The following RTN1 variants were observed in gnomAD, a reference collection of about 807,000 sequenced individuals.
RTN1 encodes the protein reticulon-1.
RTN1 carries 25 observed loss-of-function variants against 65.5 expected under a neutral mutation model. That is an observed-to-expected ratio of 0.38 (90% CI 0.28 to 0.53). The LOEUF is 0.53. Among genes scored for constraint, RTN1 ranks in the 20% least tolerant of loss-of-function variants. The probability of loss-of-function intolerance (pLI) is 0.79; values close to 1 mark genes in which losing one functional copy is unlikely to be tolerated. For missense variants in RTN1, 983 were observed against 1,025.4 expected, an observed-to-expected ratio of 0.96 and a Z score of 0.57; for synonymous variants, 471 against 447.6, an observed-to-expected ratio of 1.05 and a Z score of -0.66.
At chr14:59,719,481 C>T (rs1224633319) in intron 3 of RTN1, among the ~76,000 whole-genome samples, 1 of 152,236 alleles carries the variant, frequency 6.6e-6, no homozygotes, top group East Asian at 1.9e-4. Context: ...CCCTCTTCCA[C>T]CAGAATGTAA....
intron 3 of RTN1, among the ~76,000 whole-genome samples, chr14:59,622,278 T>C (rs958078650): frequency 4.6e-5 from 7 of 152,122 alleles, no homozygotes; most frequent in Non-Finnish European, 1.0e-4. Context: ...GAGGTAGAGG[T>C]TGCAGTGAGC....
intron 3 of RTN1, among the ~76,000 whole-genome samples, chr14:59,648,825 A>C (rs531129719): frequency 9.8e-5 from 15 of 152,352 alleles, no homozygotes; most frequent in Admixed American, 2.6e-4. Context: ...ACCACAGCCA[A>C]CATCATACAG....
chr14:59,651,424 T>G (rs1883017848), intron 3 of RTN1, among the ~76,000 whole-genome samples: 1 of 151,422 alleles, frequency 6.6e-6, no homozygotes, highest in Admixed American at 6.6e-5. Context: ...AACCCAAAAC[T>G]ATAAAAACCC....
intron 1 of RTN1, among the ~76,000 whole-genome samples, chr14:59,763,896 G>GGTGAT (rs1885799388): frequency 4.6e-5 from 7 of 152,048 alleles, no homozygotes; most frequent in African/African-American, 1.7e-4. Flanking sequence ...ACATTCTCCT[G>GGTGAT]GTACAACCTA....
chr14:59,844,414 C>T (rs990232579), intron 1 of RTN1, among the ~76,000 whole-genome samples: 3 of 152,142 alleles, frequency 2.0e-5, no homozygotes, highest in Non-Finnish European at 4.4e-5. Context: ...GTTTTAAAAC[C>T]TTTAAAAGGT....
At position 59,750,128 on chromosome 14, in the gene RTN1, CTATAATA is replaced by C. The variant is rs1219939385; in HGVS notation, c.242-3654_242-3648del. Among the ~76,000 whole-genome samples the C allele has an allele frequency of 1.9e-4, 9 of 46,654 alleles. 1 individual carries two copies. Among genetic ancestry groups the C allele is most frequent in the African/African-American group, 2.5e-4 (3 of 12,106 alleles). 30.6% of individuals were successfully genotyped at this position (46,654 alleles called of 152,430 possible). ...ATATATTATATATAATATATATTATCTATAATATATAATATATATATTATAGATAATA... is the reference window on the plus strand; with the variant it reads ...ATATATTATATATAATATATATTATCTATAATATATATATTATAGATAATA... On this transcript the variant is annotated intron_variant, in intron 1 of 8. Coordinates refer to ENST00000267484, the MANE Select transcript of RTN1 (RefSeq NM_021136.3).
intron 1 of RTN1, among the ~76,000 whole-genome samples, chr14:59,855,025 T>C (rs1755291622): frequency 6.6e-6 from 1 of 152,216 alleles, no homozygotes; most frequent in African/African-American, 2.4e-5. Flanking sequence ...CTAAAAGTAG[T>C]ACTATATGGT....
At chr14:59,818,528 A>G (rs1253401558) in intron 1 of RTN1, among the ~76,000 whole-genome samples, 1 of 152,258 alleles carries the variant, frequency 6.6e-6, no homozygotes, top group Non-Finnish European at 1.5e-5. Flanking sequence ...TACTTATTTA[A>G]TAAATATTTT....
At chr14:59,682,461 T>C (rs1385858166) in intron 3 of RTN1, among the ~76,000 whole-genome samples, 2 of 152,206 alleles carry the variant, frequency 1.3e-5, no homozygotes, top group East Asian at 3.8e-4. Flanking sequence ...TTTATACCTA[T>C]GTCTCCTTTG....
chr14:59,659,032 G>A (rs1338919655), intron 3 of RTN1, among the ~76,000 whole-genome samples: 1 of 152,064 alleles, frequency 6.6e-6, no homozygotes, highest in Non-Finnish European at 1.5e-5. Context: ...GTTTACAGAA[G>A]AACATAAATG....
intron 1 of RTN1, among the ~76,000 whole-genome samples, chr14:59,847,749 T>A (rs979409290): frequency 2.6e-5 from 4 of 152,108 alleles, no homozygotes; most frequent in African/African-American, 9.7e-5. Flanking sequence ...GATCATGAAG[T>A]CTCTGCTTGG....
At position 59,749,160 on chromosome 14, in the gene RTN1, CTATCTATATATCTATCTA is replaced by C. The variant is rs1885304838; in HGVS notation, c.242-2697_242-2680del. 9.1e-5 allele frequency among the ~76,000 whole-genome samples: 5 copies of C among 55,246 alleles called. 1 individual carries two copies. Among genetic ancestry groups the C allele is most frequent in the Non-Finnish European group, 1.6e-4 (5 of 32,186 alleles). 36.2% of individuals were successfully genotyped at this position (55,246 alleles called of 152,430 possible). ...TATCTATCTATCTATCTATCTATATCTATCTATATATCTATCTATATATCTATCTATATATATCTATAT... is the reference window on the plus strand; with the variant it reads ...TATCTATCTATCTATCTATCTATATCTATATCTATCTATATATATCTATAT... On this transcript the variant is annotated intron_variant, in intron 1 of 8. Transcript: ENST00000267484.
chr14:59,813,153 T>G (rs539862441), intron 1 of RTN1, among the ~76,000 whole-genome samples: 1 of 152,190 alleles, frequency 6.6e-6, no homozygotes, highest in Non-Finnish European at 1.5e-5. Context: ...AAAAGAAACT[T>G]GAGTTGTGGA....
At chr14:59,690,590 G>T (rs1396206922) in intron 3 of RTN1, among the ~76,000 whole-genome samples, 1 of 151,860 alleles carries the variant, frequency 6.6e-6, no homozygotes, top group East Asian at 1.9e-4. Context: ...GACCCACTAG[G>T]CCTAATAGAC....
intron 1 of RTN1, among the ~76,000 whole-genome samples, chr14:59,853,986 T>G (rs2139666818): frequency 6.6e-6 from 1 of 150,850 alleles, no homozygotes; most frequent in Middle Eastern, 3.4e-3. Context: ...TGCTTCAGCC[T>G]CACAAGTAGC....
chr14:59,635,794 T>C (rs1882653378), intron 3 of RTN1, among the ~76,000 whole-genome samples: 1 of 152,202 alleles, frequency 6.6e-6, no homozygotes, highest in Admixed American at 6.5e-5. Context: ...TCATAAGTCC[T>C]CACTTAACAT....
intron 1 of RTN1, among the ~76,000 whole-genome samples, chr14:59,756,698 A>G (rs941241667): frequency 6.6e-6 from 1 of 152,202 alleles, no homozygotes; most frequent in African/African-American, 2.4e-5. Flanking sequence ...GATTCCCTCA[A>G]TGCTATGTAT....
intron 3 of RTN1, chr14:59,630,548 G>GC: frequency 6.2e-7 from 1 of 1,610,436 alleles, no homozygotes; most frequent in East Asian, 2.2e-5. Flanking sequence ...CCTCGGGGGC[G>GC]CCGAGCGTGC....
intron 8 of RTN1, among the ~76,000 whole-genome samples, chr14:59,598,086 T>A (rs1322173712): frequency 1.3e-5 from 2 of 150,710 alleles, no homozygotes; most frequent in African/African-American, 2.4e-5. Flanking sequence ...AAAAAAAAAA[T>A]TGGGAAATGA....
Sources: gnomAD v4.1 joint callset for allele counts (sites outside exome capture counted in the v4.1 genomes callset) on GRCh38, gnomAD v4.1.1 for gene constraint, MANE v1.5 for transcripts, NCBI Gene and HGNC (gene_info 2026-07-23, HGNC 2026-07-21) for gene names.